Variants in DSCAM observed in about 807,000 individuals in gnomAD.
The protein encoded by DSCAM is DS cell adhesion molecule, also known as cell adhesion molecule DSCAM.
A neutral mutation model predicts 217.7 loss-of-function variants in DSCAM; 47 were observed. The ratio of observed to expected loss-of-function variants is 0.22; its 90% CI spans 0.17 to 0.28. DSCAM has a LOEUF of 0.28. DSCAM is among the 10% of genes least tolerant of loss of function. The pLI is 1.00. For missense variants in DSCAM, 2,080 were observed against 2,618.3 expected (o/e 0.79, Z 4.49); for synonymous variants, 1,056 against 1,015.3 (o/e 1.04, Z -0.76).
At chr21:40,560,252 A>C (rs528502992) in intron 3 of DSCAM, among the ~76,000 whole-genome samples, 1 of 152,276 alleles carries the variant, frequency 6.6e-6, no homozygotes, top group East Asian at 1.9e-4. Context: ...TGCTCCAGGA[A>C]ATTAGTTGCC....
intron 6 of DSCAM, among the ~76,000 whole-genome samples, chr21:40,343,789 A>C (rs899529332): frequency 2.0e-5 from 3 of 149,892 alleles, no homozygotes; most frequent in African/African-American, 7.3e-5. Context: ...TATTACATCT[A>C]TTATATTTAC....
At chr21:40,616,813 C>T (rs1012490000) in intron 3 of DSCAM, among the ~76,000 whole-genome samples, 5 of 151,782 alleles carry the variant, frequency 3.3e-5, no homozygotes, top group African/African-American at 7.3e-5. Context: ...GTCAGGAGAT[C>T]GAGACAATCC....
intron 28 of DSCAM, among the ~76,000 whole-genome samples, chr21:40,057,025 C>G (rs549651364): frequency 2.0e-5 from 3 of 152,280 alleles, no homozygotes; most frequent in African/African-American, 4.8e-5. Context: ...TCAAGTACCC[C>G]CTTAGATGTT....
intron 3 of DSCAM, among the ~76,000 whole-genome samples, chr21:40,414,914 A>AT (rs1185552751): frequency 6.6e-6 from 1 of 152,200 alleles, no homozygotes; most frequent in African/African-American, 2.4e-5. Flanking sequence ...GCATATAGAT[A>AT]TTCACAAGTA....
rs200699146 is a variant in DSCAM, at chr21:40,626,425, T to G, written c.508+66385A>C. Among the ~76,000 whole-genome samples, 7 of 152,186 alleles carry G rather than the reference T, an allele frequency of 4.6e-5. No homozygotes were observed. In the East Asian group the frequency reaches 1.3e-3, roughly 29 times the overall value. On this transcript the variant is annotated intron_variant, in intron 3 of 32. Coordinates refer to ENST00000400454, the MANE Select transcript of DSCAM (RefSeq NM_001389.5). ...TCTACAACGTACTCCCCATCTCTAG[T>G]AGCAAGTGTGATCTTCTTCACCCAC...
intron 3 of DSCAM, among the ~76,000 whole-genome samples, chr21:40,615,119 C>T (rs1284984592): frequency 1.3e-5 from 2 of 151,506 alleles, no homozygotes; most frequent in African/African-American, 4.8e-5. Flanking sequence ...GCCTGACCAA[C>T]ATGGCGAAAC....
At chr21:40,713,181 G>A (rs910410964) in intron 1 of DSCAM, among the ~76,000 whole-genome samples, 1 of 152,188 alleles carries the variant, frequency 6.6e-6, no homozygotes, top group Non-Finnish European at 1.5e-5. Flanking sequence ...CACTACTGGG[G>A]TGAGATCTGA....
At chr21:40,182,613 A>AG (rs1374951634) in intron 14 of DSCAM, among the ~76,000 whole-genome samples, 2 of 112,410 alleles carry the variant, frequency 1.8e-5, no homozygotes, top group African/African-American at 4.2e-5. Context: ...AACCGTGGAC[A>AG]GAACGGGCCA....
At chr21:40,393,761 CTTATT>C in intron 3 of DSCAM, among the ~76,000 whole-genome samples, 1 of 152,100 alleles carries the variant, frequency 6.6e-6, no homozygotes, top group East Asian at 1.9e-4. Flanking sequence ...TTCCATTCAG[CTTATT>C]TTATTTGATC....
At chr21:40,290,047 T>C (rs7277383) in intron 10 of DSCAM, among the ~76,000 whole-genome samples, 72,765 of 151,636 alleles carry the variant, frequency 0.48, 19,445 homozygotes, top group African/African-American at 0.73. Flanking sequence ...GGAAAAGACA[T>C]GGAGAACAGA....
intron 20 of DSCAM, among the ~76,000 whole-genome samples, chr21:40,097,578 T>C (rs1235530660): frequency 6.6e-6 from 1 of 152,086 alleles, no homozygotes; most frequent in Non-Finnish European, 1.5e-5. Context: ...ATGATCTAAA[T>C]ATATTAAAGG....
chr21:40,576,146 A>G (rs1447126377), intron 3 of DSCAM, among the ~76,000 whole-genome samples: 2 of 152,232 alleles, frequency 1.3e-5, no homozygotes, highest in African/African-American at 2.4e-5. Context: ...GGCTTCTACA[A>G]AAATATTCAT....
chr21:40,336,300 G>A (rs984991691), intron 8 of DSCAM, among the ~76,000 whole-genome samples: 2 of 152,090 alleles, frequency 1.3e-5, no homozygotes, highest in African/African-American at 4.8e-5. Context: ...ACAGATAAAT[G>A]AGCCCATCAC....
intron 3 of DSCAM, among the ~76,000 whole-genome samples, chr21:40,616,221 C>T (rs1290797565): frequency 2.6e-5 from 4 of 152,200 alleles, no homozygotes; most frequent in Non-Finnish European, 4.4e-5. Context: ...GAGCTAGCTG[C>T]CTGACAGTGC....
intron 3 of DSCAM, among the ~76,000 whole-genome samples, chr21:40,506,948 C>T (rs891285916): frequency 2.6e-5 from 4 of 152,272 alleles, no homozygotes; most frequent in Middle Eastern, 3.4e-3. Flanking sequence ...AGAGAAGTTA[C>T]ACTTTGATTG....
chr21:40,122,524 CG>C (rs1336878629), intron 20 of DSCAM, among the ~76,000 whole-genome samples: 1 of 152,114 alleles, frequency 6.6e-6, no homozygotes, highest in African/African-American at 2.4e-5. Flanking sequence ...TTGGTGAATA[CG>C]GGACATGTCA....
intron 3 of DSCAM, among the ~76,000 whole-genome samples, chr21:40,502,681 T>C (rs1467356039): frequency 6.6e-6 from 1 of 152,180 alleles, no homozygotes; most frequent in African/African-American, 2.4e-5. Context: ...TTAAGGACTC[T>C]TGTCATGACA....
Position 40,276,240 on chromosome 21 carries a change from G to T in DSCAM, c.2213C>A (p.Ala738Asp). 6.2e-7 allele frequency: 1 copy of T among 1,609,276 alleles called. No individual in the cohort carries two copies. Among genetic ancestry groups the T allele is most frequent in the South Asian group, 1.1e-5 (1 of 90,010 alleles). ...GAGAACTTGGATTCGGCCATTTAGG[G>T]CAATTGGCTGGAACTGGGGAACCCC... is the stretch of plus-strand genomic sequence containing the variant. Reference protein sequence around the residue: ...GAGVPQFQPIALNGRIQVLSN... With the variant: ...GAGVPQFQPIDLNGRIQVLSN... Residue 738 changes from alanine (A) to aspartate (D), a missense_variant, in exon 11 of 33, where the codon GCC (alanine) becomes GAC (aspartate). Ala to Asp is a moderately radical substitution (Grantham distance 126, BLOSUM62 -2). Transcript: ENST00000400454.
At chr21:40,613,789 A>G (rs2032985675) in intron 3 of DSCAM, among the ~76,000 whole-genome samples, 1 of 152,014 alleles carries the variant, frequency 6.6e-6, no homozygotes, top group African/African-American at 2.4e-5. Flanking sequence ...GATGGGCTAT[A>G]ATTTAGCAGA....
Sources: allele counts gnomAD v4.1 joint callset (sites outside exome capture counted in the v4.1 genomes callset), GRCh38; gene constraint gnomAD v4.1.1; transcripts MANE v1.5; gene names NCBI Gene and HGNC (gene_info 2026-07-23, HGNC 2026-07-21).